The following LHFPL6 variants were observed in gnomAD, a reference collection of about 807,000 sequenced individuals.
LHFPL6 encodes the protein LHFPL tetraspan subfamily member 6, also known as LHFPL tetraspan subfamily member 6 protein.
LHFPL6 carries 9 observed loss-of-function variants against 20.6 expected under a neutral mutation model. That is an observed-to-expected ratio of 0.44 (90% CI 0.26 to 0.76). The LOEUF (loss-of-function observed/expected upper bound fraction) is 0.76. Ranked by LOEUF, LHFPL6 falls within the 30% of genes least tolerant of loss-of-function variation. LHFPL6 has a pLI of 0.20. For synonymous variants in LHFPL6, 105 were observed against 98.7 expected (o/e 1.06, Z -0.38); for missense variants, 218 against 253.5 (o/e 0.86, Z 0.95).
intron 2 of LHFPL6, among the ~76,000 whole-genome samples, chr13:39,468,340 T>C (rs996050318): frequency 6.6e-6 from 1 of 152,196 alleles, no homozygotes; most frequent in African/African-American, 2.4e-5. Context: ...TTATAGCTGT[T>C]TTGGAGTAAT....
rs574940026 is a variant in LHFPL6 at position 39,417,628 on chromosome 13, G to A, written c.386-39102C>T. On this transcript the variant is annotated intron_variant, in intron 2 of 3. Coordinates refer to ENST00000379589, the MANE Select transcript of LHFPL6 (RefSeq NM_005780.3). ...ATTAGCTGAATTAACCATTCTCCACGGACCTCATCTTTATTCCTCTCTTCT... is the reference window on the plus strand; with the variant it reads ...ATTAGCTGAATTAACCATTCTCCACAGACCTCATCTTTATTCCTCTCTTCT... Among the ~76,000 whole-genome samples the A allele has an allele frequency of 1.2e-3, 176 of 152,172 alleles. 1 individual carries two copies. The highest frequency in any genetic ancestry group is 3.8e-3 in the African/African-American group (156 of 41,522).
chr13:39,480,767 G>A (rs572011310), intron 2 of LHFPL6, among the ~76,000 whole-genome samples: 1 of 152,224 alleles, frequency 6.6e-6, no homozygotes, highest in South Asian at 2.1e-4. Context: ...AGACACAACA[G>A]TGACTGCAGG....
intron 2 of LHFPL6, among the ~76,000 whole-genome samples, chr13:39,452,997 T>C (rs115922994): frequency 0.016 from 2,490 of 152,012 alleles, 64 homozygotes; most frequent in African/African-American, 0.057. Flanking sequence ...TAAACTGAGA[T>C]GCCAGGAACA....
intron 2 of LHFPL6, among the ~76,000 whole-genome samples, chr13:39,460,361 C>G (rs1872661926): frequency 1.3e-5 from 2 of 152,144 alleles, no homozygotes; most frequent in Non-Finnish European, 1.5e-5. Context: ...AGAGGCGACA[C>G]AACAAGAACC....
chr13:39,520,726 A>T (rs1372636001), intron 2 of LHFPL6, among the ~76,000 whole-genome samples: 2 of 152,186 alleles, frequency 1.3e-5, no homozygotes, highest in African/African-American at 4.8e-5. Context: ...GCTGAAGAGC[A>T]TTCACCTCAA....
intron 3 of LHFPL6, among the ~76,000 whole-genome samples, chr13:39,346,331 A>C (rs1423006655): frequency 6.6e-6 from 1 of 152,170 alleles, no homozygotes; most frequent in Non-Finnish European, 1.5e-5. Flanking sequence ...CCTAGGTGTC[A>C]TCCTTGATTT....
intron 2 of LHFPL6, among the ~76,000 whole-genome samples, chr13:39,449,023 T>G (rs1872369453): frequency 1.3e-5 from 2 of 152,196 alleles, no homozygotes; most frequent in African/African-American, 4.8e-5. Flanking sequence ...ACCATGTCAA[T>G]GCACAAATGG....
intron 2 of LHFPL6, among the ~76,000 whole-genome samples, chr13:39,484,539 T>C (rs1868650093): frequency 1.3e-5 from 2 of 152,326 alleles, no homozygotes. Flanking sequence ...CTCTTTCCTT[T>C]GCTCCCCTCC....
chr13:39,519,640 A>C (rs1870043412), intron 2 of LHFPL6, among the ~76,000 whole-genome samples: 1 of 152,208 alleles, frequency 6.6e-6, no homozygotes. Flanking sequence ...TAAAATTGTG[A>C]AGCTAAATAT....
intron 2 of LHFPL6, among the ~76,000 whole-genome samples, chr13:39,565,475 G>A (rs898973059): frequency 6.6e-6 from 1 of 152,206 alleles, no homozygotes; most frequent in African/African-American, 2.4e-5. Flanking sequence ...AAGATGGAAT[G>A]TTGGCATAAC....
chr13:39,522,386 C>A (rs58361914), intron 2 of LHFPL6, among the ~76,000 whole-genome samples: 2,046 of 152,296 alleles, frequency 0.013, 29 homozygotes, highest in African/African-American at 0.038. Flanking sequence ...ATGCTCCTAA[C>A]CAGTACACTG....
intron 2 of LHFPL6, among the ~76,000 whole-genome samples, chr13:39,435,200 T>TG (rs1387353028): frequency 2.0e-5 from 3 of 152,216 alleles, no homozygotes; most frequent in Non-Finnish European, 1.5e-5. Context: ...AATGAGTTTT[T>TG]GGGTTTCAAG....
intron 2 of LHFPL6, among the ~76,000 whole-genome samples, chr13:39,522,646 T>C (rs886563462): frequency 1.3e-5 from 2 of 152,202 alleles, no homozygotes; most frequent in African/African-American, 4.8e-5. Context: ...ACAAGATCTA[T>C]TTCTTCCCAG....
At chr13:39,408,902 A>G (rs1361362827) in intron 2 of LHFPL6, among the ~76,000 whole-genome samples, 1 of 152,226 alleles carries the variant, frequency 6.6e-6, no homozygotes, top group African/African-American at 2.4e-5. Flanking sequence ...CTAAGAAAGT[A>G]AAAACTCCTT....
intron 2 of LHFPL6, among the ~76,000 whole-genome samples, chr13:39,520,559 C>A (rs1456561689): frequency 1.3e-5 from 2 of 152,140 alleles, no homozygotes. Context: ...GGCAAATTAA[C>A]AAGTTGTGGA....
chr13:39,591,127 T>C (rs1422881464), intron 2 of LHFPL6, among the ~76,000 whole-genome samples: 7 of 152,256 alleles, frequency 4.6e-5, no homozygotes, highest in Non-Finnish European at 1.5e-5. Flanking sequence ...ACTATGATTA[T>C]TATTTTTACT....
rs560344873 is a variant in LHFPL6, at chr13:39,423,319, C to G, written c.386-44793G>C. The stretch of plus-strand genomic sequence containing the variant: ...AGTATTTGAAGCATATATTTTTCAA[C>G]TACATAATGCAATAAATCTAAAGGA... On this transcript the variant is annotated intron_variant, in intron 2 of 3. Coordinates refer to ENST00000379589, the MANE Select transcript of LHFPL6 (RefSeq NM_005780.3). 2.0e-5 allele frequency among the ~76,000 whole-genome samples: 3 copies of G among 152,122 alleles called. No homozygotes were observed. The South Asian group carries it at 6.2e-4, about 31-fold the overall frequency.
chr13:39,477,419 T>C (rs1043085249), intron 2 of LHFPL6, among the ~76,000 whole-genome samples: 2 of 152,232 alleles, frequency 1.3e-5, no homozygotes, highest in Admixed American at 6.5e-5. Context: ...ACAAGAATTA[T>C]AGAATATCAT....
intron 2 of LHFPL6, among the ~76,000 whole-genome samples, chr13:39,581,356 G>A (rs764569404): frequency 3.9e-5 from 6 of 152,026 alleles, no homozygotes; most frequent in African/African-American, 4.8e-5. Flanking sequence ...AGAGCTCACC[G>A]CTGTGTAATT....
Sources: gnomAD v4.1 joint callset for allele counts (sites outside exome capture counted in the v4.1 genomes callset) on GRCh38, gnomAD v4.1.1 for gene constraint, MANE v1.5 for transcripts, NCBI Gene and HGNC (gene_info 2026-07-23, HGNC 2026-07-21) for gene names.